RIPOR2: variants seen among roughly 807,000 people sequenced by gnomAD.
The protein encoded by RIPOR2 is rho family-interacting cell polarization regulator 2.
RIPOR2 carries 39 observed loss-of-function variants against 114.5 expected under a neutral mutation model. The observed-to-expected ratio is 0.34, with a 90% CI of 0.26 to 0.44. The LOEUF is 0.44. Among genes scored for constraint, RIPOR2 ranks in the 20% least tolerant of loss-of-function variants. The pLI, the probability that RIPOR2 is intolerant of heterozygous loss-of-function variation, is 1.00. For synonymous variants in RIPOR2, 445 were observed against 484.4 expected (o/e 0.92, Z 1.07); for missense variants, 1,007 against 1,255.1 (o/e 0.80, Z 2.99).
intron 1 of RIPOR2, among the ~76,000 whole-genome samples, chr6:25,007,966 A>G (rs2113669382): frequency 6.6e-6 from 1 of 152,254 alleles, no homozygotes; most frequent in South Asian, 2.1e-4. Flanking sequence ...CAATGCTGGA[A>G]ACACTGGAAA....
Position 24,812,274 on chromosome 6 carries a change from G to T in RIPOR2, c.2953-2467C>A, listed in dbSNP as rs1781226248. ...CGCCACACTGACTTCCACAATGGAT[G>T]AACTAGTTTACAGTCCCACCAACAG... is the stretch of plus-strand genomic sequence containing the variant. On this transcript the variant is annotated intron_variant, in intron 20 of 21. Transcript: ENST00000643898. 5.0e-5 allele frequency among the ~76,000 whole-genome samples: 2 copies of T among 40,010 alleles called. 1 individual carries two copies. Among genetic ancestry groups the T allele is most frequent in the Non-Finnish European group, 1.5e-4 (2 of 13,000 alleles). The allele number at this position is 40,010 out of a possible 152,430, so 26.2% of individuals were successfully genotyped here.
chr6:25,008,682 T>C (rs955352727), intron 1 of RIPOR2, among the ~76,000 whole-genome samples: 1 of 152,206 alleles, frequency 6.6e-6, no homozygotes, highest in Non-Finnish European at 1.5e-5. Flanking sequence ...AGATTTCAGA[T>C]ATGAAAGGGA....
chr6:24,882,572 G>A (rs575005014), intron 1 of RIPOR2, among the ~76,000 whole-genome samples: 6 of 152,322 alleles, frequency 3.9e-5, no homozygotes, highest in Admixed American at 3.3e-4. Flanking sequence ...GCCCTCTCCT[G>A]TATTAGGAAA....
At chr6:24,903,436 G>T (rs1385396955) in intron 1 of RIPOR2, among the ~76,000 whole-genome samples, 1 of 151,954 alleles carries the variant, frequency 6.6e-6, no homozygotes, top group Non-Finnish European at 1.5e-5. Context: ...ATTACTGAGG[G>T]CATCTTTGGA....
At chr6:24,946,009 T>C (rs979794264) in intron 1 of RIPOR2, among the ~76,000 whole-genome samples, 8 of 152,140 alleles carry the variant, frequency 5.3e-5, no homozygotes, top group Admixed American at 3.9e-4. Context: ...ACTCATCTCA[T>C]TAAGAGATAC....
At chr6:24,808,200 G>A (rs995975346) in intron 21 of RIPOR2, among the ~76,000 whole-genome samples, 8 of 152,212 alleles carry the variant, frequency 5.3e-5, no homozygotes, top group African/African-American at 1.9e-4. Context: ...AGCAGGTATG[G>A]TGATGGCTTC....
intron 1 of RIPOR2, among the ~76,000 whole-genome samples, chr6:24,956,332 GA>G (rs1208136590): frequency 6.6e-6 from 1 of 152,008 alleles, no homozygotes; most frequent in Non-Finnish European, 1.5e-5. Flanking sequence ...ATTTTAAGAT[GA>G]TTTTTTAGGT....
At position 25,014,486 on chromosome 6, in the gene RIPOR2, T is replaced by C. The variant is rs143036700; in HGVS notation, c.76+27365A>G. ...ATAACTAATAGAAGCTATTTCGAAA[T>C]AGAGCCAACTAAAGATTGCACATGA... On this transcript the variant is annotated intron_variant, in intron 1 of 13. Coordinates refer to the RIPOR2 transcript ENST00000510784. Among the ~76,000 whole-genome samples, 242 of 152,354 alleles carry C rather than the reference T, an allele frequency of 1.6e-3. 1 individual carries two copies. The highest frequency in any genetic ancestry group is 4.2e-3 in the African/African-American group (176 of 41,582).
chr6:24,869,204 C>T, intron 5 of RIPOR2, 57 bp from the exon 6 acceptor site: 1 of 830,622 alleles, frequency 1.2e-6, no homozygotes, highest in Non-Finnish European at 2.0e-6. Context: ...TTGACTTAGG[C>T]TTGTGAGAAT....
chr6:24,953,146 C>T (rs1234087226), intron 1 of RIPOR2, among the ~76,000 whole-genome samples: 5 of 152,070 alleles, frequency 3.3e-5, no homozygotes, highest in Non-Finnish European at 1.5e-5. Flanking sequence ...CCAGCCTGAC[C>T]AACATGGAGA....
At chr6:25,002,724 T>C (rs1029819980) in intron 1 of RIPOR2, among the ~76,000 whole-genome samples, 1 of 152,210 alleles carries the variant, frequency 6.6e-6, no homozygotes, top group Non-Finnish European at 1.5e-5. Context: ...AAGCAGGGAC[T>C]CAGCTCCACC....
chr6:24,825,036 T>C (rs763510647), intron 19 of RIPOR2, among the ~76,000 whole-genome samples, 190 bp downstream of exon 19: 2 of 152,258 alleles, frequency 1.3e-5, no homozygotes, highest in Non-Finnish European at 2.9e-5. Flanking sequence ...ATGTTATTAA[T>C]AGTTTTCTCT....
chr6:24,961,374 T>C (rs1773299401), intron 1 of RIPOR2, among the ~76,000 whole-genome samples: 2 of 152,264 alleles, frequency 1.3e-5, no homozygotes, highest in Admixed American at 1.3e-4. Context: ...GTAAACAATT[T>C]GAGCAACACC....
At chr6:25,001,612 G>A (rs1221467521) in intron 1 of RIPOR2, among the ~76,000 whole-genome samples, 5 of 110,978 alleles carry the variant, frequency 4.5e-5, no homozygotes, top group African/African-American at 1.1e-4. Flanking sequence ...GCGACAGAGC[G>A]AGACTTCATC....
chr6:24,960,902 T>C (rs536083890), intron 1 of RIPOR2, among the ~76,000 whole-genome samples: 175 of 151,990 alleles, frequency 1.2e-3, no homozygotes, highest in Non-Finnish European at 2.0e-3. Context: ...CCCCCAAGAC[T>C]CTCCCCAGTC....
chr6:24,946,428 C>G (rs1035907433), intron 1 of RIPOR2, among the ~76,000 whole-genome samples: 2 of 151,972 alleles, frequency 1.3e-5, no homozygotes, highest in African/African-American at 4.8e-5. Context: ...CATACCTTCA[C>G]GCATTGGAAA....
chr6:24,993,734 G>T (rs1405408397), intron 1 of RIPOR2, among the ~76,000 whole-genome samples: 1 of 152,240 alleles, frequency 6.6e-6, no homozygotes, highest in African/African-American at 2.4e-5. Context: ...CCAATTGTTT[G>T]CTTGTTGTAA....
chr6:24,951,115 T>A (rs1001753848), intron 1 of RIPOR2, among the ~76,000 whole-genome samples: 3 of 152,192 alleles, frequency 2.0e-5, no homozygotes, highest in African/African-American at 7.2e-5. Flanking sequence ...GAAGTTCATA[T>A]CAACATGGAA....
intron 17 of RIPOR2, among the ~76,000 whole-genome samples, chr6:24,829,566 G>T (rs1192265300): frequency 6.6e-6 from 1 of 152,226 alleles, no homozygotes; most frequent in African/African-American, 2.4e-5. Flanking sequence ...GATTGAGGCT[G>T]CAGTGAGCTG....
Sources: allele counts gnomAD v4.1 joint callset (sites outside exome capture counted in the v4.1 genomes callset), GRCh38; gene constraint gnomAD v4.1.1; transcripts MANE v1.5; gene names NCBI Gene and HGNC (gene_info 2026-07-23, HGNC 2026-07-21).